Variants in NEDD9 observed in about 807,000 individuals in gnomAD.
NEDD9 encodes enhancer of filamentation 1.
Under a neutral mutation model 76.6 loss-of-function variants are expected in NEDD9, and 26 were observed. The observed-to-expected ratio is 0.34, with a 90% CI of 0.25 to 0.47. The LOEUF (loss-of-function observed/expected upper bound fraction) is 0.47, where lower values mean the gene tolerates loss of function less well. Ranked by LOEUF, NEDD9 falls within the 20% of genes least tolerant of loss-of-function variation. NEDD9 has a pLI of 1.00. For missense variants in NEDD9, 937 were observed against 1,058.5 expected, an observed-to-expected ratio of 0.89 and a Z score of 1.59; for synonymous variants, 392 against 414.2, an observed-to-expected ratio of 0.95 and a Z score of 0.65.
At chr6:11,352,229 T>G (rs776219630) in intron 1 of NEDD9, 14 of 152,356 alleles carry the variant, frequency 9.2e-5, no homozygotes, top group Non-Finnish European at 1.6e-4. Context: ...GTGAGTTGTC[T>G]ACACCACAGG....
In NEDD9 at chr6:11,185,518, T is replaced by G; in HGVS notation, c.2149A>C (p.Thr717Pro). ...LLCFYYDQCE[T>P]HFISLLNAID... ...GCGTTGAGAAGGGAAATGAAATGGG[T>G]CTCACATTGGTCATAGTAGAAGCAC... Residue 717 changes from threonine to proline, a missense_variant, in exon 7 of 7, where the codon ACC becomes CCC. Coordinates refer to ENST00000379446, the MANE Select transcript of NEDD9 (RefSeq NM_006403.4). 5.0e-6 allele frequency: 8 copies of G among 1,614,070 alleles called. No homozygotes were observed. The highest frequency in any genetic ancestry group is 6.8e-6 in the Non-Finnish European group (8 of 1,180,010).
At chr6:11,218,051 T>C (rs552616228) in intron 1 of NEDD9, among the ~76,000 whole-genome samples, 2 of 152,398 alleles carry the variant, frequency 1.3e-5, no homozygotes, top group South Asian at 4.1e-4. Flanking sequence ...CTCAGCTATG[T>C]GCTTACGCTC....
chr6:11,285,909 A>G (rs1456566578), intron 3 of NEDD9, among the ~76,000 whole-genome samples: 1 of 152,204 alleles, frequency 6.6e-6, no homozygotes, highest in Non-Finnish European at 1.5e-5. Flanking sequence ...AATATAAGAG[A>G]AAATGTTTGT....
intron 3 of NEDD9, among the ~76,000 whole-genome samples, chr6:11,248,148 C>A (rs1759845779): frequency 6.7e-6 from 1 of 150,182 alleles, no homozygotes; most frequent in African/African-American, 2.5e-5. Flanking sequence ...TAAGATCTTC[C>A]CAAAAGAAAC....
At chr6:11,373,128 C>T (rs1762909052) in intron 1 of NEDD9, among the ~76,000 whole-genome samples, 1 of 150,658 alleles carries the variant, frequency 6.6e-6, no homozygotes, top group Admixed American at 6.6e-5. Flanking sequence ...TTAAGTGGTT[C>T]CTTGAACTGT....
At chr6:11,319,317 ACTCACACT>A (rs1172884317) in intron 2 of NEDD9, among the ~76,000 whole-genome samples, 3 of 152,156 alleles carry the variant, frequency 2.0e-5, no homozygotes, top group Non-Finnish European at 4.4e-5. Context: ...CATCCTGTGC[ACTCACACT>A]CTCACACACC....
chr6:11,260,057 C>A (rs114752238), intron 3 of NEDD9, among the ~76,000 whole-genome samples: 27 of 152,048 alleles, frequency 1.8e-4, no homozygotes, highest in African/African-American at 6.5e-4. Context: ...TGGCTTATAG[C>A]ATATAGCCTT....
At chr6:11,244,014 T>A (rs1225322415) in intron 3 of NEDD9, among the ~76,000 whole-genome samples, 1 of 152,188 alleles carries the variant, frequency 6.6e-6, no homozygotes, top group African/African-American at 2.4e-5. Context: ...AACATTTAAA[T>A]CAGTAGACTT....
At chr6:11,356,708 G>T (rs539293332) in intron 1 of NEDD9, among the ~76,000 whole-genome samples, 1 of 151,652 alleles carries the variant, frequency 6.6e-6, no homozygotes, top group East Asian at 1.9e-4. Flanking sequence ...CTCTTTAATC[G>T]TTGGCATCAT....
At chr6:11,314,560 C>G (rs1669038066) in intron 2 of NEDD9, among the ~76,000 whole-genome samples, 3 of 152,146 alleles carry the variant, frequency 2.0e-5, no homozygotes. Context: ...CTCAAAACAG[C>G]CTAGGTTCCT....
intron 1 of NEDD9, among the ~76,000 whole-genome samples, chr6:11,367,743 C>A (rs181534789): frequency 6.4e-4 from 97 of 152,324 alleles, no homozygotes; most frequent in African/African-American, 2.0e-3. Flanking sequence ...TCCCTGGAGA[C>A]CAAACTCCCT....
intron 2 of NEDD9, among the ~76,000 whole-genome samples, chr6:11,194,486 A>T (rs1436792926): frequency 6.6e-6 from 1 of 152,220 alleles, no homozygotes; most frequent in African/African-American, 2.4e-5. Context: ...TATTATGATG[A>T]TTATAACTGT....
intron 2 of NEDD9, among the ~76,000 whole-genome samples, chr6:11,311,205 C>T (rs1761355856): frequency 6.6e-6 from 1 of 152,094 alleles, no homozygotes; most frequent in Non-Finnish European, 1.5e-5. Flanking sequence ...AATTCCTAAC[C>T]CCCAGTATCT....
chr6:11,221,755 G>A (rs568286841), intron 1 of NEDD9, among the ~76,000 whole-genome samples: 1 of 152,118 alleles, frequency 6.6e-6, no homozygotes, highest in South Asian at 2.1e-4. Flanking sequence ...TCTTGGCAAG[G>A]GGTCAAAAAT....
At chr6:11,307,971 G>A (rs926623647) in intron 2 of NEDD9, among the ~76,000 whole-genome samples, 5 of 152,092 alleles carry the variant, frequency 3.3e-5, no homozygotes, top group Non-Finnish European at 5.9e-5. Flanking sequence ...ATGCCCACCC[G>A]AGATCCATGT....
intron 3 of NEDD9, chr6:11,271,767 A>T (rs1760313658): frequency 6.6e-6 from 1 of 152,212 alleles, no homozygotes; most frequent in Admixed American, 6.5e-5. Flanking sequence ...TATGTCATCC[A>T]TTCCAAGGTT....
At chr6:11,330,799 A>G (rs1296888445) in intron 2 of NEDD9, among the ~76,000 whole-genome samples, 2 of 152,214 alleles carry the variant, frequency 1.3e-5, no homozygotes, top group Admixed American at 6.5e-5. Flanking sequence ...TTTATCAGTT[A>G]TAAAATTCTG....
At chr6:11,268,719 G>A (rs56703665) in intron 3 of NEDD9, among the ~76,000 whole-genome samples, 27,961 of 150,602 alleles carry the variant, frequency 0.19, 2,867 homozygotes, top group Middle Eastern at 0.28. Context: ...CAAGAACGAA[G>A]CTCCATCACA....
At chr6:11,300,191 C>T (rs188016142) in intron 3 of NEDD9, among the ~76,000 whole-genome samples, 73 of 152,212 alleles carry the variant, frequency 4.8e-4, no homozygotes, top group East Asian at 1.9e-3. Flanking sequence ...CTGAAAACCA[C>T]GGCATGAGAA....
Sources: allele counts gnomAD v4.1 joint callset (sites outside exome capture counted in the v4.1 genomes callset), GRCh38; gene constraint gnomAD v4.1.1; transcripts MANE v1.5; gene names NCBI Gene and HGNC (gene_info 2026-07-23, HGNC 2026-07-21).